Variants in PPP6R3 observed in about 807,000 individuals in gnomAD.
PPP6R3 encodes protein phosphatase 6 regulatory subunit 3.
In PPP6R3, 38 loss-of-function variants were observed where a neutral mutation model predicts 110.7. That is an observed-to-expected ratio of 0.34 (90% CI 0.26 to 0.45). The LOEUF (loss-of-function observed/expected upper bound fraction) is 0.45. Among genes scored for constraint, PPP6R3 ranks in the 20% least tolerant of loss-of-function variants. The pLI is 1.00. For synonymous variants in PPP6R3, 369 were observed against 373.5 expected (o/e 0.99, Z 0.14); for missense variants, 870 against 1,062.4 (o/e 0.82, Z 2.52).
At chr11:68,539,695 T>C (rs1361119328) in intron 3 of PPP6R3, among the ~76,000 whole-genome samples, 1 of 152,216 alleles carries the variant, frequency 6.6e-6, no homozygotes, top group East Asian at 1.9e-4. Context: ...AAGTTTAGAC[T>C]GGGATTGTGT....
chr11:68,531,796 A>G (rs1001097133), intron 2 of PPP6R3, among the ~76,000 whole-genome samples: 1 of 152,158 alleles, frequency 6.6e-6, no homozygotes, highest in African/African-American at 2.4e-5. Flanking sequence ...TGTTTTGCTA[A>G]GGATCCTGAG....
Position 68,601,899 on chromosome 11 carries a change from A to G in PPP6R3, c.2229A>G (p.Glu743=), listed in dbSNP as rs746621102. The G allele has an allele frequency of 6.2e-7, 1 of 1,613,460 alleles. No individual in the cohort carries two copies. Among genetic ancestry groups the G allele is most frequent in the Non-Finnish European group, 8.5e-7 (1 of 1,179,722 alleles). ...CTTTAAGGAGTAATTCTCCAGTGGA[A>G]ATGGAAACCAGCACTGAACCCATGG... is the stretch of plus-strand genomic sequence containing the variant. ...KDSLRSNSPV[E]METSTEPMDP... Residue 743 remains glutamate (E), a synonymous_variant, in exon 21 of 24, where the codon GAA becomes GAG. Transcript: ENST00000393800.
intron 13 of PPP6R3, among the ~76,000 whole-genome samples, chr11:68,575,165 C>CT (rs1273283006): frequency 6.6e-6 from 1 of 152,178 alleles, no homozygotes; most frequent in East Asian, 1.9e-4. Context: ...TGTGATATGA[C>CT]TGAGTTTTTA....
chr11:68,499,482 A>AGTG (rs2099036747), intron 1 of PPP6R3, among the ~76,000 whole-genome samples: 1 of 152,178 alleles, frequency 6.6e-6, no homozygotes, highest in African/African-American at 2.4e-5. Context: ...AGAGCCCCTA[A>AGTG]GTGGAAGCTA....
At chr11:68,526,448 T>C (rs778713500) in intron 2 of PPP6R3, among the ~76,000 whole-genome samples, 2 of 152,228 alleles carry the variant, frequency 1.3e-5, no homozygotes, top group Non-Finnish European at 2.9e-5. Context: ...CTCCCTTTGT[T>C]GCCTAGGCTG....
chr11:68,481,783 G>T lies in PPP6R3; in HGVS notation c.-158+20956G>T, dbSNP rs193199597. ...GCTTACTCACCTCCACTTGCAGGAG[G>T]CAGGTGTGTCTTTATTTTGCTTGCT... On this transcript the variant is annotated intron_variant, in intron 1 of 23. Coordinates refer to ENST00000393800, the MANE Select transcript of PPP6R3 (RefSeq NM_001164161.2). Among the ~76,000 whole-genome samples the T allele has an allele frequency of 8.5e-5, 13 of 152,276 alleles. No homozygotes were observed. The East Asian group carries it at 2.5e-3, about 29-fold the overall frequency.
In PPP6R3 at chr11:68,571,088, A is replaced by G; in HGVS notation, c.1327A>G (p.Met443Val). 6.3e-7 allele frequency: 1 copy of G among 1,599,010 alleles called. No homozygotes were observed. The highest frequency in any genetic ancestry group is 8.5e-7 in the Non-Finnish European group (1 of 1,175,746). ...LIERILEAWE[M>V]NEKKQAEGGR... ...AGAACGAATACTTGAAGCCTGGGAA[A>G]TGAATGAGAAGAAACAGTAAGTAAA... Residue 443 changes from methionine to valine, a missense_variant, in exon 12 of 24, where the codon ATG (methionine) becomes GTG (valine). Coordinates refer to ENST00000393800, the MANE Select transcript of PPP6R3 (RefSeq NM_001164161.2).
intron 1 of PPP6R3, among the ~76,000 whole-genome samples, chr11:68,465,959 T>C (rs560803815): frequency 2.5e-4 from 38 of 152,364 alleles, no homozygotes; most frequent in African/African-American, 8.9e-4. Context: ...ATTCTTCCCA[T>C]ACTGAAGCCG....
chr11:68,600,254 C>T (rs2099627637), intron 19 of PPP6R3, 87 bp from the exon 20 acceptor site: 5 of 1,451,498 alleles, frequency 3.4e-6, no homozygotes, highest in Admixed American at 1.7e-5. Flanking sequence ...GCTCCAGTCT[C>T]TTTTGCTAAT....
At chr11:68,531,135 A>G (rs2099236819) in intron 2 of PPP6R3, among the ~76,000 whole-genome samples, 1 of 151,978 alleles carries the variant, frequency 6.6e-6, no homozygotes, top group African/African-American at 2.4e-5. Flanking sequence ...CTGTATAGTT[A>G]TTTTGAATAT....
At chr11:68,608,034 T>TAA (rs55705439) in intron 22 of PPP6R3, among the ~76,000 whole-genome samples, 1 of 134,932 alleles carries the variant, frequency 7.4e-6, no homozygotes, top group African/African-American at 2.7e-5. Context: ...AGGACTTCTT[T>TAA]AAAAAAAAAA....
intron 1 of PPP6R3, among the ~76,000 whole-genome samples, chr11:68,477,098 G>T (rs991557231): frequency 6.6e-6 from 1 of 151,966 alleles, no homozygotes; most frequent in Non-Finnish European, 1.5e-5. Context: ...ATGTGTTGAG[G>T]CTAGTTTTAG....
intron 1 of PPP6R3, among the ~76,000 whole-genome samples, chr11:68,489,243 TCTC>T (rs923150172): frequency 1.5e-4 from 23 of 152,048 alleles, no homozygotes; most frequent in African/African-American, 5.6e-4. Flanking sequence ...ATGGTCTCGA[TCTC>T]CTGACCTCAT....
chr11:68,594,479 A>T (rs953934954), intron 18 of PPP6R3, among the ~76,000 whole-genome samples: 3 of 152,224 alleles, frequency 2.0e-5, no homozygotes, highest in Non-Finnish European at 4.4e-5. Flanking sequence ...GAACATAGGG[A>T]GACCCCATCT....
At chr11:68,498,590 A>T (rs2099031651) in intron 1 of PPP6R3, among the ~76,000 whole-genome samples, 1 of 152,170 alleles carries the variant, frequency 6.6e-6, no homozygotes, top group South Asian at 2.1e-4. Flanking sequence ...GTTTCTATTA[A>T]ATAGAGTCTT....
chr11:68,561,975 G>A (rs577841169), intron 8 of PPP6R3, among the ~76,000 whole-genome samples: 142 of 152,148 alleles, frequency 9.3e-4, no homozygotes, highest in African/African-American at 3.3e-3. Flanking sequence ...TACATTCAGA[G>A]GGGAGGGGGC....
chr11:68,527,502 A>T (rs926352931), intron 2 of PPP6R3, among the ~76,000 whole-genome samples: 1 of 152,170 alleles, frequency 6.6e-6, no homozygotes, highest in Non-Finnish European at 1.5e-5. Flanking sequence ...GACCCAAAAG[A>T]GGTTTGTCCT....
Position 68,558,694 on chromosome 11 carries a change from T to C in PPP6R3, c.845+15T>C. 2 of 1,560,646 alleles carry C rather than the reference T, an allele frequency of 1.3e-6. No homozygotes were observed. Among genetic ancestry groups the C allele is most frequent in the Non-Finnish European group, 8.8e-7 (1 of 1,134,348 alleles). ...CGACGACCAACGTAAGCTTTTCTTA[T>C]ATCTTACAAAATGAACCATGTTGTT... On this transcript the variant is annotated intron_variant, in intron 8 of 23. Transcript: ENST00000393800.
intron 14 of PPP6R3, among the ~76,000 whole-genome samples, chr11:68,577,014 C>G (rs1234353065): frequency 6.6e-6 from 1 of 152,096 alleles, no homozygotes; most frequent in African/African-American, 2.4e-5. Flanking sequence ...CAGAGTCACA[C>G]TTTTTAAGCG....
Sources: gnomAD v4.1 joint callset for allele counts (sites outside exome capture counted in the v4.1 genomes callset) on GRCh38, gnomAD v4.1.1 for gene constraint, MANE v1.5 for transcripts, NCBI Gene and HGNC (gene_info 2026-07-23, HGNC 2026-07-21) for gene names.